GPC6: variants seen among roughly 807,000 people sequenced by gnomAD.
GPC6 encodes the protein glypican-6.
A neutral mutation model predicts 55.2 loss-of-function variants in GPC6; 14 were observed. The ratio of observed to expected loss-of-function variants is 0.25; its 90% CI spans 0.17 to 0.40. GPC6 has a LOEUF of 0.40. GPC6 is among the 10% of genes least tolerant of loss of function. The pLI is 1.00. For synonymous variants in GPC6, 278 were observed against 259.6 expected (o/e 1.07, Z -0.68); for missense variants, 641 against 708.5 (o/e 0.90, Z 1.08).
At chr13:94,219,419 A>T (rs2138999471) in intron 4 of GPC6, among the ~76,000 whole-genome samples, 1 of 152,268 alleles carries the variant, frequency 6.6e-6, no homozygotes, top group South Asian at 2.1e-4. Context: ...GGGGCTCTTT[A>T]CACCCAACTT....
chr13:94,246,601 T>C lies in GPC6; in HGVS notation c.878-39748T>C, dbSNP rs181221187. 9.9e-5 allele frequency among the ~76,000 whole-genome samples: 15 copies of C among 152,258 alleles called. No homozygotes were observed. In the East Asian group the frequency reaches 2.7e-3, roughly 28 times the overall value. On this transcript the variant is annotated intron_variant, in intron 4 of 8. Coordinates refer to ENST00000377047, the MANE Select transcript of GPC6 (RefSeq NM_005708.5). ...TATAAATCCAGTTTTCCCAGTATCA[T>C]TTATCAAGGAGACTCTACTTTCTCC...
intron 2 of GPC6, among the ~76,000 whole-genome samples, chr13:93,762,735 T>C (rs554930053): frequency 3.9e-5 from 6 of 152,354 alleles, no homozygotes; most frequent in Non-Finnish European, 5.9e-5. Context: ...AAATCTATAC[T>C]ATTGTTCTAA....
chr13:93,422,961 A>G (rs1264818538), intron 1 of GPC6, among the ~76,000 whole-genome samples: 1 of 152,140 alleles, frequency 6.6e-6, no homozygotes, highest in Admixed American at 6.6e-5. Flanking sequence ...TTTGTGCTGA[A>G]AAGGAAATGT....
rs537557631 is a variant in GPC6 at position 94,047,928 on chromosome 13, A to C, written c.877+20034A>C. On this transcript the variant is annotated intron_variant, in intron 4 of 8. Coordinates refer to ENST00000377047, the MANE Select transcript of GPC6 (RefSeq NM_005708.5). ...GATAATCCTCAAATCTAGTTAATGC[A>C]TTTCTGAAATAGACATTTATTTCAC... is the stretch of plus-strand genomic sequence containing the variant. Among the ~76,000 whole-genome samples, 29 of 152,234 alleles carry C rather than the reference A, an allele frequency of 1.9e-4. No individual in the cohort carries two copies. The East Asian group carries it at 5.6e-3, about 30-fold the overall frequency.
intron 1 of GPC6, among the ~76,000 whole-genome samples, chr13:93,282,134 C>T (rs1307722310): frequency 1.3e-5 from 2 of 152,110 alleles, no homozygotes; most frequent in African/African-American, 4.8e-5. Context: ...GTGAACATAA[C>T]ATCCAAGTTA....
chr13:93,334,795 C>T (rs1229335261), intron 1 of GPC6, among the ~76,000 whole-genome samples: 1 of 152,126 alleles, frequency 6.6e-6, no homozygotes, highest in Non-Finnish European at 1.5e-5. Flanking sequence ...GAAAACTTAC[C>T]TATGAAGTCA....
intron 3 of GPC6, among the ~76,000 whole-genome samples, chr13:93,839,324 TA>T (rs1413751233): frequency 3.3e-5 from 5 of 151,538 alleles, no homozygotes; most frequent in African/African-American, 9.7e-5. Flanking sequence ...AATTGAAAGT[TA>T]AAAAAAAATC....
intron 1 of GPC6, among the ~76,000 whole-genome samples, chr13:93,373,146 C>G (rs1027627706): frequency 6.6e-6 from 1 of 152,154 alleles, no homozygotes; most frequent in Non-Finnish European, 1.5e-5. Flanking sequence ...ATCACACAAC[C>G]CCAGCTGTTT....
intron 3 of GPC6, among the ~76,000 whole-genome samples, chr13:93,835,854 C>T (rs1887712866): frequency 6.6e-6 from 1 of 152,150 alleles, no homozygotes; most frequent in Admixed American, 6.5e-5. Context: ...CTTTGCAAGT[C>T]ATCTCATTGA....
intron 4 of GPC6, among the ~76,000 whole-genome samples, chr13:94,152,750 A>T (rs1221093883): frequency 1.3e-5 from 2 of 152,160 alleles, no homozygotes; most frequent in Non-Finnish European, 2.9e-5. Flanking sequence ...TGATTACCTA[A>T]GTGAAGAACA....
chr13:94,286,012 G>T (rs1185101514), intron 4 of GPC6, among the ~76,000 whole-genome samples: 4 of 152,178 alleles, frequency 2.6e-5, no homozygotes. Context: ...TCCAGAAGAA[G>T]ATGGGTGAGA....
intron 2 of GPC6, among the ~76,000 whole-genome samples, chr13:93,752,011 A>G (rs1020142919): frequency 1.3e-5 from 2 of 152,112 alleles, no homozygotes; most frequent in African/African-American, 2.4e-5. Flanking sequence ...TTTCTAATAT[A>G]CTATTAATCA....
At chr13:94,194,575 A>G (rs1365451580) in intron 4 of GPC6, among the ~76,000 whole-genome samples, 1 of 152,128 alleles carries the variant, frequency 6.6e-6, no homozygotes, top group Non-Finnish European at 1.5e-5. Flanking sequence ...CATAAGAATG[A>G]TACAGTGGAC....
intron 2 of GPC6, among the ~76,000 whole-genome samples, chr13:93,806,375 T>A (rs181979022): frequency 2.4e-3 from 366 of 152,338 alleles, no homozygotes; most frequent in Middle Eastern, 0.01. Flanking sequence ...TTTACTCTTG[T>A]CACCCAGGCT....
At chr13:93,479,828 C>T (rs888515397) in intron 1 of GPC6, among the ~76,000 whole-genome samples, 4 of 152,060 alleles carry the variant, frequency 2.6e-5, no homozygotes, top group South Asian at 2.1e-4. Context: ...AATAATCATA[C>T]GGTGTAGTCT....
chr13:93,569,664 A>C (rs974318906), intron 2 of GPC6, among the ~76,000 whole-genome samples: 1 of 152,116 alleles, frequency 6.6e-6, no homozygotes, highest in African/African-American at 2.4e-5. Context: ...TAGTTATCTT[A>C]ATAACTAATA....
chr13:93,793,401 A>G (rs1047358104), intron 2 of GPC6, among the ~76,000 whole-genome samples: 1 of 152,186 alleles, frequency 6.6e-6, no homozygotes, highest in Non-Finnish European at 1.5e-5. Flanking sequence ...GAAAACCTAA[A>G]AAACAAACAA....
At chr13:93,605,207 A>T (rs1009468665) in intron 2 of GPC6, among the ~76,000 whole-genome samples, 7 of 152,172 alleles carry the variant, frequency 4.6e-5, no homozygotes, top group African/African-American at 1.7e-4. Flanking sequence ...CTGCTTCTCT[A>T]ATAATTTAAT....
intron 1 of GPC6, among the ~76,000 whole-genome samples, chr13:93,410,899 C>T (rs113960442): frequency 4.6e-5 from 7 of 152,218 alleles, no homozygotes; most frequent in African/African-American, 1.4e-4. Context: ...CAGCAGCATT[C>T]AAAACAGTTC....
Sources: allele counts gnomAD v4.1 joint callset (sites outside exome capture counted in the v4.1 genomes callset), GRCh38; gene constraint gnomAD v4.1.1; transcripts MANE v1.5; gene names NCBI Gene and HGNC (gene_info 2026-07-23, HGNC 2026-07-21).